RBKS: variants seen among roughly 807,000 people sequenced by gnomAD.
The protein encoded by RBKS is ribokinase.
RBKS carries 33 observed loss-of-function variants against 33.9 expected under a neutral mutation model. The observed-to-expected ratio is 0.97, with a 90% CI of 0.74 to 1.30. RBKS has a LOEUF of 1.30. Ranked by LOEUF, RBKS falls within the 50% of genes most tolerant of loss-of-function variation. The pLI, the probability that RBKS is intolerant of heterozygous loss-of-function variation, is 0.00. For missense variants in RBKS, 361 were observed against 392.6 expected (o/e 0.92, Z 0.68); for synonymous variants, 125 against 143.0 (o/e 0.87, Z 0.90).
chr2:27,861,694 C>T (rs1019477414), intron 1 of RBKS: 10 of 427,362 alleles, frequency 2.3e-5, no homozygotes, highest in African/African-American at 1.9e-4. Context: ...CTTTGTCTCC[C>T]AGGCTGGAAT....
intron 7 of RBKS, among the ~76,000 whole-genome samples, chr2:27,809,277 G>A (rs965348074): frequency 5.3e-5 from 8 of 152,242 alleles, no homozygotes; most frequent in African/African-American, 1.9e-4. Context: ...GCTGCTCCCA[G>A]CCATGGCCCT....
intron 7 of RBKS, chr2:27,782,706 C>T (rs1304865946): frequency 2.5e-6 from 1 of 403,778 alleles, no homozygotes; most frequent in Admixed American, 2.6e-5. Context: ...TAGTCTTTGC[C>T]AAGTTTCTCC....
At chr2:27,834,920 A>G (rs764814376) in intron 5 of RBKS, among the ~76,000 whole-genome samples, 3 of 152,226 alleles carry the variant, frequency 2.0e-5, no homozygotes, top group Non-Finnish European at 4.4e-5. Context: ...TGTTGTTTGT[A>G]CAGCTCTGTT....
At chr2:27,852,158 T>C (rs1366240453) in intron 2 of RBKS, among the ~76,000 whole-genome samples, 2 of 152,196 alleles carry the variant, frequency 1.3e-5, no homozygotes, top group Non-Finnish European at 2.9e-5. Flanking sequence ...CTGAATATTG[T>C]AGAGTAGTGC....
chr2:27,790,513 T>C (rs980365137), intron 7 of RBKS, among the ~76,000 whole-genome samples: 2 of 152,138 alleles, frequency 1.3e-5, no homozygotes, highest in African/African-American at 4.8e-5. Context: ...TGGACTGGGA[T>C]AAAATATTTG....
intron 1 of RBKS, among the ~76,000 whole-genome samples, chr2:27,866,300 GTAATGTGTACCTTTTTTTTCT>G (rs1664096989): frequency 6.6e-6 from 1 of 152,112 alleles, no homozygotes; most frequent in Non-Finnish European, 1.5e-5. Flanking sequence ...TCCTCTATAT[GTAATGTGTACCTTTTTTTTCT>G]TAACCTCTGG....
chr2:27,848,767 G>A (rs867298698), intron 2 of RBKS, among the ~76,000 whole-genome samples: 17 of 151,738 alleles, frequency 1.1e-4, no homozygotes, highest in Middle Eastern at 3.4e-3. Flanking sequence ...GCTTGAACCC[G>A]GAGGTGGAGG....
chr2:27,829,744 G>C (rs1678384842), intron 6 of RBKS, among the ~76,000 whole-genome samples: 1 of 152,166 alleles, frequency 6.6e-6, no homozygotes, highest in Admixed American at 6.6e-5. Flanking sequence ...TGGCAATAGG[G>C]AGTTCTTGCT....
At chr2:27,811,231 C>T (rs1487896061) in intron 7 of RBKS, among the ~76,000 whole-genome samples, 2 of 152,208 alleles carry the variant, frequency 1.3e-5, no homozygotes, top group Admixed American at 1.3e-4. Context: ...CCCTCCACTG[C>T]ATCACCATGG....
At chr2:27,839,570 T>A (rs1304634725) in intron 5 of RBKS, among the ~76,000 whole-genome samples, 1 of 152,314 alleles carries the variant, frequency 6.6e-6, no homozygotes, top group East Asian at 1.9e-4. Flanking sequence ...GATGTAGGGA[T>A]CTTTTCCTCT....
intron 4 of RBKS, among the ~76,000 whole-genome samples, chr2:27,846,260 G>A (rs954197440): frequency 6.6e-6 from 1 of 152,148 alleles, no homozygotes; most frequent in African/African-American, 2.4e-5. Context: ...GAGCCACTAC[G>A]CTCAGCCTCT....
intron 7 of RBKS, among the ~76,000 whole-genome samples, chr2:27,786,828 C>G (rs1008666035): frequency 2.0e-5 from 3 of 151,550 alleles, no homozygotes; most frequent in Admixed American, 6.6e-5. Context: ...GTACCCACAC[C>G]TGAAAACACT....
intron 1 of RBKS, among the ~76,000 whole-genome samples, chr2:27,884,943 T>G (rs1404333973): frequency 6.6e-6 from 1 of 152,212 alleles, no homozygotes; most frequent in Non-Finnish European, 1.5e-5. Context: ...CTCAGTGATC[T>G]CATCCAGCCT....
chr2:27,879,867 T>C (rs1011755436), intron 1 of RBKS, among the ~76,000 whole-genome samples: 6 of 152,026 alleles, frequency 3.9e-5, no homozygotes, highest in African/African-American at 7.2e-5. Context: ...AACTAAAAAA[T>C]AGGCCAGGAG....
At chr2:27,798,459 C>T (rs1299889196) in intron 7 of RBKS, among the ~76,000 whole-genome samples, 2 of 152,100 alleles carry the variant, frequency 1.3e-5, no homozygotes, top group Non-Finnish European at 2.9e-5. Flanking sequence ...CATCTCCTTC[C>T]CATATACTTC....
intron 7 of RBKS, among the ~76,000 whole-genome samples, chr2:27,796,558 A>G (rs1206972825): frequency 6.6e-6 from 1 of 151,876 alleles, no homozygotes; most frequent in African/African-American, 2.4e-5. Context: ...CTGGGTTCTG[A>G]GTTCTAGTGG....
intron 1 of RBKS, among the ~76,000 whole-genome samples, chr2:27,869,051 A>C (rs1429391139): frequency 4.6e-5 from 7 of 152,196 alleles, no homozygotes; most frequent in Non-Finnish European, 1.5e-5. Flanking sequence ...TGAAAATCAG[A>C]GAGATTACAA....
intron 1 of RBKS, among the ~76,000 whole-genome samples, chr2:27,875,810 T>C (rs1477674630): frequency 6.6e-6 from 1 of 152,198 alleles, no homozygotes; most frequent in Non-Finnish European, 1.5e-5. Context: ...GTATGAGGTT[T>C]ACTGAGCTCC....
At chr2:27,873,286 C>T (rs1003819028) in intron 1 of RBKS, among the ~76,000 whole-genome samples, 1 of 152,150 alleles carries the variant, frequency 6.6e-6, no homozygotes, top group African/African-American at 2.4e-5. Context: ...ATCGGGGTCC[C>T]CACACAGACA....
Sources: allele counts gnomAD v4.1 joint callset (sites outside exome capture counted in the v4.1 genomes callset), GRCh38; gene constraint gnomAD v4.1.1; transcripts MANE v1.5; gene names NCBI Gene and HGNC (gene_info 2026-07-23, HGNC 2026-07-21).